GOLGA5: variants seen among roughly 807,000 people sequenced by gnomAD.
The protein encoded by GOLGA5 is golgin A5, also known as golgin subfamily A member 5.
A neutral mutation model predicts 93.5 loss-of-function variants in GOLGA5; 50 were observed. The ratio of observed to expected loss-of-function variants is 0.53; its 90% CI spans 0.43 to 0.68. The LOEUF is 0.68. Among genes scored for constraint, GOLGA5 ranks in the 30% least tolerant of loss-of-function variants. The probability of loss-of-function intolerance (pLI) is 0.00; values close to 1 mark genes in which losing one functional copy is unlikely to be tolerated. For synonymous variants in GOLGA5, 312 were observed against 304.5 expected, an observed-to-expected ratio of 1.02 and a Z score of -0.26; for missense variants, 760 against 856.4, an observed-to-expected ratio of 0.89 and a Z score of 1.40.
intron 10 of GOLGA5, 108 bp downstream of exon 10, chr14:92,833,455 A>C: frequency 1.3e-6 from 1 of 763,868 alleles, no homozygotes; most frequent in Non-Finnish European, 2.2e-6. Context: ...GAAGGACTCA[A>C]TTTTCTGATA....
chr14:92,812,107 T>G (rs1444150735), intron 6 of GOLGA5, among the ~76,000 whole-genome samples: 1 of 152,236 alleles, frequency 6.6e-6, no homozygotes, highest in African/African-American at 2.4e-5. Context: ...GTTCTCAGAA[T>G]TGTCTCACCC....
Position 92,809,369 on chromosome 14 carries a change from G to T in GOLGA5, c.842G>T (p.Arg281Leu). 1 of 1,613,430 alleles carries T rather than the reference G, an allele frequency of 6.2e-7. No homozygotes were observed. The highest frequency in any genetic ancestry group is 8.5e-7 in the Non-Finnish European group (1 of 1,179,432). Residue 281 changes from arginine to leucine, a missense_variant, in exon 4 of 13, where the codon CGA (arginine) becomes CTA (leucine). By Grantham distance (102) the Arg-to-Leu change is moderately radical (BLOSUM62 -2). Coordinates refer to ENST00000163416, the MANE Select transcript of GOLGA5 (RefSeq NM_005113.4). ...ADHSKSDRMT[R>L]GLRAQVDDLT... ...CATTCAAAGAGTGATCGAATGACTC[G>T]AGGACTCCGAGCCCAAGTAGATGAC... is the stretch of plus-strand genomic sequence containing the variant.
In GOLGA5 at chr14:92,797,900, A is replaced by G; in HGVS notation, c.463A>G (p.Thr155Ala). The G allele has an allele frequency of 6.2e-7, 1 of 1,613,210 alleles. No individual in the cohort carries two copies. The highest frequency in any genetic ancestry group is 8.5e-7 in the Non-Finnish European group (1 of 1,179,432). Residue 155 changes from threonine to alanine, a missense_variant, in exon 2 of 13, where the codon ACA becomes GCA. Thr to Ala is a moderately conservative substitution (Grantham distance 58, BLOSUM62 0). Coordinates refer to ENST00000163416, the MANE Select transcript of GOLGA5 (RefSeq NM_005113.4). The stretch of plus-strand genomic sequence containing the variant: ...GACACCTGTCTTTCAGAGCTCTCAG[A>G]CATCAAGTGTCAGTTCTGTGAACCC... Reference protein sequence around the residue: ...GKTPVFQSSQTSSVSSVNPSV... With the variant: ...GKTPVFQSSQASSVSSVNPSV...
intron 10 of GOLGA5, among the ~76,000 whole-genome samples, chr14:92,834,164 C>T: frequency 6.9e-6 from 1 of 145,344 alleles, no homozygotes; most frequent in South Asian, 2.2e-4. Flanking sequence ...TAAGGGTTTT[C>T]AGTTTCTTTT....
chr14:92,795,138 C>T (rs1884697030), intron 1 of GOLGA5, among the ~76,000 whole-genome samples: 1 of 152,124 alleles, frequency 6.6e-6, no homozygotes, highest in South Asian at 2.1e-4. Flanking sequence ...AGGGTCTTGC[C>T]ATGTTGCCCA....
At chr14:92,827,110 G>A (rs1442425885) in intron 9 of GOLGA5, among the ~76,000 whole-genome samples, 2 of 152,122 alleles carry the variant, frequency 1.3e-5, no homozygotes, top group Non-Finnish European at 2.9e-5. Flanking sequence ...ATAATAAGGT[G>A]CACAGCCATT....
chr14:92,824,499 A>G, intron 8 of GOLGA5, 47 bp from the exon 9 acceptor site: 1 of 917,126 alleles, frequency 1.1e-6, no homozygotes, highest in Non-Finnish European at 1.8e-6. Context: ...AGGATGGAAT[A>G]GGGGACACTT....
chr14:92,838,920 G>A (rs1332910407), intron 12 of GOLGA5, among the ~76,000 whole-genome samples: 1 of 152,078 alleles, frequency 6.6e-6, no homozygotes, highest in Non-Finnish European at 1.5e-5. Flanking sequence ...ACTATGAATC[G>A]TGTTCTGGGC....
intron 6 of GOLGA5, among the ~76,000 whole-genome samples, chr14:92,812,001 C>T (rs1178102318): frequency 6.6e-6 from 1 of 152,200 alleles, no homozygotes; most frequent in South Asian, 2.1e-4. Context: ...ACCTTACTCA[C>T]TGTGATGATA....
intron 3 of GOLGA5, among the ~76,000 whole-genome samples, chr14:92,807,269 T>G (rs1266979672): frequency 6.6e-6 from 1 of 152,038 alleles, no homozygotes; most frequent in South Asian, 2.1e-4. Flanking sequence ...ACTACTGCAC[T>G]CTAGTCTGGG....
chr14:92,829,100 G>A (rs1381065632), intron 9 of GOLGA5, among the ~76,000 whole-genome samples: 1 of 152,140 alleles, frequency 6.6e-6, no homozygotes, highest in Non-Finnish European at 1.5e-5. Context: ...AAGTGGCTGG[G>A]ATTACAAGTG....
intron 6 of GOLGA5, among the ~76,000 whole-genome samples, chr14:92,813,063 A>G (rs749529312): frequency 6.6e-6 from 1 of 151,986 alleles, no homozygotes; most frequent in Non-Finnish European, 1.5e-5. Flanking sequence ...AAAGCTTGAA[A>G]CCTCAGGGTC....
At chr14:92,835,175 G>T (rs567507101) in intron 10 of GOLGA5, among the ~76,000 whole-genome samples, 29 of 152,248 alleles carry the variant, frequency 1.9e-4, no homozygotes, top group African/African-American at 7.0e-4. Context: ...GATGAGTCTG[G>T]CAGGGGATGA....
chr14:92,824,464 G>C (rs1189904026), intron 8 of GOLGA5, 82 bp from the exon 9 acceptor site: 1 of 694,756 alleles, frequency 1.4e-6, no homozygotes, highest in Non-Finnish European at 2.6e-6. Context: ...TGTCTACCAT[G>C]TGCCAGGCAC....
At chr14:92,834,406 C>T (rs1015913364) in intron 10 of GOLGA5, among the ~76,000 whole-genome samples, 2 of 151,212 alleles carry the variant, frequency 1.3e-5, no homozygotes, top group African/African-American at 4.9e-5. Flanking sequence ...CTTCCTGTGT[C>T]CATGTGTTCT....
At chr14:92,805,113 G>A (rs1485916297) in intron 2 of GOLGA5, among the ~76,000 whole-genome samples, 4 of 152,040 alleles carry the variant, frequency 2.6e-5, no homozygotes, top group Non-Finnish European at 4.4e-5. Context: ...CACCTTTACC[G>A]TGTTATAGAT....
At chr14:92,809,957 T>TCAA (rs758332785) in intron 4 of GOLGA5, among the ~76,000 whole-genome samples, 1 of 152,192 alleles carries the variant, frequency 6.6e-6, no homozygotes, top group African/African-American at 2.4e-5. Context: ...AAACTCCATC[T>TCAA]CAACAACAAC....
Position 92,797,475 on chromosome 14 carries a change from A to C in GOLGA5, c.38A>C (p.Asp13Ala). The change falls in exon 2 of 13, where the codon GAT (aspartate) becomes GCT (alanine). Residue 13 changes from aspartate to alanine, a missense_variant. Asp to Ala is a moderately radical substitution (Grantham distance 126). Coordinates refer to ENST00000163416, the MANE Select transcript of GOLGA5 (RefSeq NM_005113.4). ...GTTGATCTTGCTGGAAAGGCAGAAG[A>C]TCTTTTAAACCGAGTTGATCAAGGG... ...WFVDLAGKAEDLLNRVDQGAA... is the reference protein window; with the variant it reads ...WFVDLAGKAEALLNRVDQGAA... 1 of 1,611,186 alleles carries C rather than the reference A, an allele frequency of 6.2e-7. No homozygotes were observed. The highest frequency in any genetic ancestry group is 1.1e-5 in the South Asian group (1 of 90,362).
At chr14:92,809,200 A>G in intron 3 of GOLGA5, 100 bp from the exon 4 acceptor site, 2 of 740,576 alleles carry the variant, frequency 2.7e-6, no homozygotes, top group Non-Finnish European at 4.5e-6. Context: ...AATTTTGTCA[A>G]TAAGGAAAGT....
Sources: allele counts gnomAD v4.1 joint callset (sites outside exome capture counted in the v4.1 genomes callset), GRCh38; gene constraint gnomAD v4.1.1; transcripts MANE v1.5; gene names NCBI Gene and HGNC (gene_info 2026-07-23, HGNC 2026-07-21).